The following GNG7 variants were observed in gnomAD, a reference collection of about 807,000 sequenced individuals.
GNG7 encodes the protein G protein subunit gamma 7, also known as guanine nucleotide-binding protein G(I)/G(S)/G(O) subunit gamma-7.
Under a neutral mutation model 4.0 loss-of-function variants are expected in GNG7, and 1 was observed. The observed-to-expected ratio is 0.25, with a 90% CI of 0.09 to 1.18. The LOEUF (loss-of-function observed/expected upper bound fraction) is 1.18. GNG7 is among the 50% of genes most tolerant of loss of function. The pLI is 0.50. For missense variants in GNG7, 86 were observed against 91.9 expected (o/e 0.94, Z 0.26); for synonymous variants, 34 against 36.9 (o/e 0.92, Z 0.29).
At chr19:2,521,027 A>G (rs1230820542) in intron 3 of GNG7, among the ~76,000 whole-genome samples, 2 of 151,928 alleles carry the variant, frequency 1.3e-5, no homozygotes, top group African/African-American at 4.8e-5. Flanking sequence ...AGGCTGAGGC[A>G]GGTGGATCAT....
rs758973520 is a variant in GNG7, at chr19:2,514,986, A to AAGAG, written c.*32_*35dup. 2.0e-5 allele frequency: 21 copies of AAGAG among 1,055,262 alleles called. No homozygotes were observed. The highest frequency in any genetic ancestry group is 1.6e-4 in the African/African-American group (10 of 62,704). 65.4% of individuals were successfully genotyped at this position (1,055,262 alleles called of 1,614,324 possible). On this transcript the variant is annotated 3_prime_UTR_variant, in exon 5 of 5. Coordinates refer to ENST00000382159, the MANE Select transcript of GNG7 (RefSeq NM_052847.3). ...ACAGAGACAGAGAGAGAGAGAGAGAAAGAGAGAGAGAGAGAGAGAACATAT... is the reference window on the plus strand; with the variant it reads ...ACAGAGACAGAGAGAGAGAGAGAGAAAGAGAGAGAGAGAGAGAGAGAGAACATAT...
At chr19:2,592,764 G>A (rs533118480) in intron 2 of GNG7, among the ~76,000 whole-genome samples, 29 of 136,374 alleles carry the variant, frequency 2.1e-4, no homozygotes, top group Admixed American at 1.9e-3. Flanking sequence ...GGGAGGGGGA[G>A]GGGAAGGAAG....
In GNG7 at chr19:2,628,834, T is replaced by C. The variant is rs146532856; in HGVS notation, c.-78+17390A>G. Among the ~76,000 whole-genome samples, 955 of 152,256 alleles carry C rather than the reference T, an allele frequency of 6.3e-3. 11 individuals carry two copies. The highest frequency in any genetic ancestry group is 0.022 in the African/African-American group (905 of 41,556). On this transcript the variant is annotated intron_variant, in intron 2 of 4. Coordinates refer to ENST00000382159, the MANE Select transcript of GNG7 (RefSeq NM_052847.3). ...TTTTGATGAGCTCAGGTCAACTGAC[T>C]AGGAATCTTCGTCGCATCTGCAAAA...
intron 3 of GNG7, among the ~76,000 whole-genome samples, chr19:2,525,095 G>A (rs952369077): frequency 2.0e-5 from 3 of 152,312 alleles, no homozygotes; most frequent in Admixed American, 6.5e-5. Flanking sequence ...AACTGGCCAC[G>A]CACTGAGTCA....
At chr19:2,636,211 C>T (rs969339116) in intron 2 of GNG7, among the ~76,000 whole-genome samples, 1 of 152,184 alleles carries the variant, frequency 6.6e-6, no homozygotes. Context: ...CTCCCTCCCA[C>T]TCAGGGGGTG....
intron 1 of GNG7, among the ~76,000 whole-genome samples, chr19:2,661,304 G>GAAAGAA (rs1568277816): frequency 1.3e-4 from 11 of 87,050 alleles, no homozygotes; most frequent in African/African-American, 3.8e-4. Context: ...GAAAGAAAGA[G>GAAAGAA]AAAGAAAGAA....
chr19:2,665,961 G>GT (rs1983299147), intron 1 of GNG7, among the ~76,000 whole-genome samples: 1 of 152,050 alleles, frequency 6.6e-6, no homozygotes, highest in African/African-American at 2.4e-5. Context: ...TGCCTCCCGG[G>GT]TTCAAGTGAT....
At chr19:2,536,429 A>G (rs935485935) in intron 3 of GNG7, among the ~76,000 whole-genome samples, 6 of 151,696 alleles carry the variant, frequency 4.0e-5, no homozygotes, top group African/African-American at 1.5e-4. Context: ...AAAAAAAAAA[A>G]GAAAAGAAAA....
intron 2 of GNG7, among the ~76,000 whole-genome samples, chr19:2,612,944 G>T: frequency 6.6e-6 from 1 of 151,894 alleles, no homozygotes; most frequent in East Asian, 1.9e-4. Flanking sequence ...CGTCCGCCTC[G>T]GCCTCCCAAA....
intron 2 of GNG7, among the ~76,000 whole-genome samples, chr19:2,593,826 A>C (rs570057429): frequency 3.4e-5 from 5 of 144,932 alleles, no homozygotes; most frequent in Non-Finnish European, 6.0e-5. Flanking sequence ...TCTGTGGTCC[A>C]TGCCATTTCC....
At chr19:2,590,319 G>A (rs72976809) in intron 2 of GNG7, among the ~76,000 whole-genome samples, 36 of 152,140 alleles carry the variant, frequency 2.4e-4, no homozygotes, top group Non-Finnish European at 4.7e-4. Flanking sequence ...TTTCTCTATC[G>A]GGCACATAAC....
intron 3 of GNG7, among the ~76,000 whole-genome samples, chr19:2,540,634 C>T (rs73516676): frequency 0.045 from 6,899 of 152,148 alleles, 550 homozygotes; most frequent in African/African-American, 0.16. Context: ...ACCCTGGGGG[C>T]GCTGAGGCTG....
chr19:2,567,132 CAAA>C (rs146646976), intron 2 of GNG7, among the ~76,000 whole-genome samples: 1 of 139,016 alleles, frequency 7.2e-6, no homozygotes, highest in Non-Finnish European at 1.5e-5. Context: ...ACAAAAAAAA[CAAA>C]AAAAAAACAA....
intron 3 of GNG7, chr19:2,538,288 T>C (rs1270634095): frequency 8.8e-6 from 4 of 455,998 alleles, no homozygotes; most frequent in Non-Finnish European, 1.8e-5. Flanking sequence ...ACCGACCAGG[T>C]CAATTTTAGA....
At chr19:2,598,424 G>A (rs1424870173) in intron 2 of GNG7, among the ~76,000 whole-genome samples, 2 of 151,528 alleles carry the variant, frequency 1.3e-5, no homozygotes, top group African/African-American at 2.4e-5. Context: ...TTGGGAGGCC[G>A]AGGCGGGCGG....
chr19:2,581,740 A>G (rs1980511298), intron 2 of GNG7, among the ~76,000 whole-genome samples: 1 of 152,230 alleles, frequency 6.6e-6, no homozygotes, highest in Non-Finnish European at 1.5e-5. Context: ...CAACGCATGA[A>G]CCGTGTTATG....
At chr19:2,521,964 TCTC>T (rs1423076499) in intron 3 of GNG7, among the ~76,000 whole-genome samples, 2 of 152,040 alleles carry the variant, frequency 1.3e-5, no homozygotes, top group African/African-American at 4.8e-5. Flanking sequence ...CTTCTTGAAT[TCTC>T]CTGGAAAAAC....
intron 2 of GNG7, among the ~76,000 whole-genome samples, chr19:2,587,919 G>A (rs1599407562): frequency 6.6e-6 from 1 of 151,012 alleles, no homozygotes; most frequent in East Asian, 1.9e-4. Context: ...GAGAGAGAGA[G>A]AGAAGGAAGG....
At chr19:2,575,906 C>CGCAGACACGCAGGCACAT (rs1980318603) in intron 2 of GNG7, among the ~76,000 whole-genome samples, 2 of 141,240 alleles carry the variant, frequency 1.4e-5, no homozygotes, top group African/African-American at 2.8e-5. Context: ...CGCAGGCACA[C>CGCAGACACGCAGGCACAT]GCAGGCATAC....
Sources: gnomAD v4.1 joint callset for allele counts (sites outside exome capture counted in the v4.1 genomes callset) on GRCh38, gnomAD v4.1.1 for gene constraint, MANE v1.5 for transcripts, NCBI Gene and HGNC (gene_info 2026-07-23, HGNC 2026-07-21) for gene names.